The following DGKB variants were observed in gnomAD, a reference collection of about 807,000 sequenced individuals.
DGKB encodes diacylglycerol kinase beta.
A neutral mutation model predicts 114.3 loss-of-function variants in DGKB; 67 were observed. The observed-to-expected ratio is 0.59, with a 90% CI of 0.48 to 0.72. The LOEUF is 0.72. Ranked by LOEUF, DGKB falls within the 30% of genes least tolerant of loss-of-function variation. The pLI is 0.00. For synonymous variants in DGKB, 398 were observed against 323.1 expected, an observed-to-expected ratio of 1.23 and a Z score of -2.49; for missense variants, 907 against 975.2, an observed-to-expected ratio of 0.93 and a Z score of 0.93.
intron 20 of DGKB, among the ~76,000 whole-genome samples, chr7:14,499,080 C>G (rs1785729393): frequency 6.6e-6 from 1 of 151,674 alleles, no homozygotes; most frequent in South Asian, 2.1e-4. Flanking sequence ...GGGCATCATT[C>G]TAAAAAGATA....
intron 21 of DGKB, among the ~76,000 whole-genome samples, chr7:14,469,657 C>T (rs1422993275): frequency 6.6e-6 from 1 of 151,946 alleles, no homozygotes; most frequent in African/African-American, 2.4e-5. Context: ...TGCATGAGAA[C>T]ACACACAGTC....
intron 23 of DGKB, among the ~76,000 whole-genome samples, chr7:14,296,996 A>T (rs1437209853): frequency 3.9e-5 from 6 of 152,162 alleles, no homozygotes; most frequent in Non-Finnish European, 8.8e-5. Flanking sequence ...CCCTCCCAAG[A>T]CTAAACCAGG....
chr7:14,265,885 T>A (rs1258253858), intron 23 of DGKB, among the ~76,000 whole-genome samples: 2 of 152,192 alleles, frequency 1.3e-5, no homozygotes, highest in Non-Finnish European at 2.9e-5. Flanking sequence ...TAAAACAATT[T>A]CCAAATTGGG....
chr7:14,628,054 T>G (rs1284553898), intron 14 of DGKB, among the ~76,000 whole-genome samples: 1 of 152,128 alleles, frequency 6.6e-6, no homozygotes, highest in Non-Finnish European at 1.5e-5. Flanking sequence ...CACAGTAAAC[T>G]GAAAGTAAGT....
intron 23 of DGKB, among the ~76,000 whole-genome samples, chr7:14,308,422 CTATT>C (rs1290313298): frequency 6.6e-6 from 1 of 152,052 alleles, no homozygotes; most frequent in Non-Finnish European, 1.5e-5. Flanking sequence ...GATATTTCTA[CTATT>C]TAGATACTAT....
intron 20 of DGKB, among the ~76,000 whole-genome samples, chr7:14,527,041 G>C (rs1165651861): frequency 6.6e-6 from 1 of 152,024 alleles, no homozygotes; most frequent in African/African-American, 2.4e-5. Flanking sequence ...ATATTCAATG[G>C]TGGTGTAACA....
intron 23 of DGKB, among the ~76,000 whole-genome samples, chr7:14,195,326 T>C (rs1481859709): frequency 6.6e-6 from 1 of 152,128 alleles, no homozygotes. Context: ...CAAGCGCTCA[T>C]GAATGAAGGC....
At chr7:14,794,060 C>A (rs970354589) in intron 2 of DGKB, among the ~76,000 whole-genome samples, 3 of 152,156 alleles carry the variant, frequency 2.0e-5, no homozygotes, top group Non-Finnish European at 4.4e-5. Flanking sequence ...ACTCCATCAG[C>A]TTTCCTGGGT....
Position 14,550,744 on chromosome 7 carries a change from C to T in DGKB, c.1770+23468G>A, listed in dbSNP as rs921328057. ...ACAATGATTGTCATGAACATGATGA[C>T]GGAATTATCTGCAGACCAACAGAAT... On this transcript the variant is annotated intron_variant, in intron 20 of 25. Coordinates refer to ENST00000402815, the MANE Select transcript of DGKB (RefSeq NM_001350709.2). 3.3e-5 allele frequency among the ~76,000 whole-genome samples: 5 copies of T among 152,072 alleles called. 1 individual carries two copies. Among genetic ancestry groups the T allele is most frequent in the South Asian group, 2.1e-4 (1 of 4,824 alleles).
At chr7:14,365,059 G>A (rs1816426712) in intron 21 of DGKB, among the ~76,000 whole-genome samples, 1 of 151,416 alleles carries the variant, frequency 6.6e-6, no homozygotes, top group Non-Finnish European at 1.5e-5. Context: ...GATCACTTAT[G>A]GTTTTTTACG....
At chr7:14,695,074 A>G (rs1467470869) in intron 8 of DGKB, among the ~76,000 whole-genome samples, 1 of 152,194 alleles carries the variant, frequency 6.6e-6, no homozygotes, top group Non-Finnish European at 1.5e-5. Context: ...AGAGCATTGG[A>G]ACAGAGATTG....
At chr7:14,309,025 C>T (rs1804933712) in intron 23 of DGKB, among the ~76,000 whole-genome samples, 3 of 151,966 alleles carry the variant, frequency 2.0e-5, no homozygotes, top group Non-Finnish European at 4.4e-5. Flanking sequence ...AGACCAGCCT[C>T]GGCAACATGG....
At chr7:14,157,759 A>C (rs2128220829) in intron 25 of DGKB, among the ~76,000 whole-genome samples, 1 of 152,344 alleles carries the variant, frequency 6.6e-6, no homozygotes, top group African/African-American at 2.4e-5. Context: ...ATGTCTCTAC[A>C]GAGAAATGAT....
Position 14,718,530 on chromosome 7 carries a change from A to T in DGKB, c.466+12T>A, listed in dbSNP as rs1399395494. The T allele has an allele frequency of 6.3e-7, 1 of 1,597,384 alleles. No individual in the cohort carries two copies. On this transcript the variant is annotated intron_variant, in intron 6 of 25. Transcript: ENST00000402815. ...CAATCACGATAAGTAAACAAAATGA[A>T]GAAACACATACACTCAAGCTTATCC...
rs374373460 is a variant in DGKB at position 14,931,197 on chromosome 7, C to T, written c.-188+43499G>A. On this transcript the variant is annotated intron_variant, in intron 1 of 4. Transcript: ENST00000437998. ...TGCTATCTCAGCTCATTGCAACCTC[C>T]GCCTCCTGAGTTCAAGCGATTCTCC... is the stretch of plus-strand genomic sequence containing the variant. Among the ~76,000 whole-genome samples the T allele has an allele frequency of 6.9e-4, 105 of 151,706 alleles. 2 individuals carry two copies. The South Asian group carries it at 0.02, about 29-fold the overall frequency.
intron 13 of DGKB, among the ~76,000 whole-genome samples, chr7:14,631,708 T>C (rs1441970068): frequency 6.6e-6 from 1 of 152,066 alleles, no homozygotes; most frequent in Non-Finnish European, 1.5e-5. Context: ...AACGAATATT[T>C]GTGCTAGTTT....
intron 25 of DGKB, among the ~76,000 whole-genome samples, chr7:14,171,891 G>A (rs777184553): frequency 6.6e-6 from 1 of 152,334 alleles, no homozygotes; most frequent in East Asian, 1.9e-4. Flanking sequence ...CTACCAAGAT[G>A]ATCCAAATCA....
chr7:14,399,989 T>C lies in DGKB; in HGVS notation c.1836-54598A>G, dbSNP rs532870028. ...CCATAAATTTTGACGATAAGAATAT[T>C]TTCAAATTATTTTAAAAGAAGTTCT... On this transcript the variant is annotated intron_variant, in intron 21 of 25. Coordinates refer to ENST00000402815, the MANE Select transcript of DGKB (RefSeq NM_001350709.2). Among the ~76,000 whole-genome samples the C allele has an allele frequency of 5.3e-5, 8 of 152,022 alleles. No homozygotes were observed. The South Asian group carries it at 1.7e-3, about 32-fold the overall frequency.
At chr7:14,241,044 G>A (rs1793565564) in intron 23 of DGKB, among the ~76,000 whole-genome samples, 1 of 152,154 alleles carries the variant, frequency 6.6e-6, no homozygotes, top group African/African-American at 2.4e-5. Flanking sequence ...GGAAACTCAA[G>A]CATCATTAAG....
Sources: gnomAD v4.1 joint callset for allele counts (sites outside exome capture counted in the v4.1 genomes callset) on GRCh38, gnomAD v4.1.1 for gene constraint, MANE v1.5 for transcripts, NCBI Gene and HGNC (gene_info 2026-07-23, HGNC 2026-07-21) for gene names.